The following MTMR1 variants were observed in gnomAD, a reference collection of about 807,000 sequenced individuals.
MTMR1 encodes the protein phosphatidylinositol-3-phosphate phosphatase MTMR1.
Under a neutral mutation model 51.6 loss-of-function variants are expected in MTMR1, and 17 were observed. The ratio of observed to expected loss-of-function variants is 0.33; its 90% CI spans 0.23 to 0.49. MTMR1 has a LOEUF of 0.49. MTMR1 is among the 20% of genes least tolerant of loss of function. The probability of loss-of-function intolerance (pLI) is 0.99; values close to 1 mark genes in which losing one functional copy is unlikely to be tolerated. For synonymous variants in MTMR1, 201 were observed against 205.6 expected (o/e 0.98, Z 0.19); for missense variants, 386 against 526.9 (o/e 0.73, Z 2.62).
At chrX:150,750,557 G>C (rs934452707) in intron 13 of MTMR1, among the ~76,000 whole-genome samples, 173 bp from the exon 14 acceptor site, 2 of 112,188 alleles carry the variant, frequency 1.8e-5, no homozygotes, top group Non-Finnish European at 3.8e-5. Context: ...TTCTCAGCCA[G>C]ATCTATAAGT....
At position 150,733,440 on chromosome X, in the gene MTMR1, T is replaced by A. The variant is rs1414583064; in HGVS notation, c.1080+710T>A. Among the ~76,000 whole-genome samples, 13 of 111,238 alleles carry A rather than the reference T, an allele frequency of 1.2e-4. No homozygotes were observed. In the Admixed American group the frequency reaches 1.3e-3, roughly 11 times the overall value. On this transcript the variant is annotated intron_variant, in intron 10 of 15. Coordinates refer to ENST00000445323, the MANE Select transcript of MTMR1 (RefSeq NM_001306144.3). ...CTTGAGCTTGACACTGCAGTTTCTCTCCTGTCCTGATCCCTCCTAAGGTTG... is the reference window on the plus strand; with the variant it reads ...CTTGAGCTTGACACTGCAGTTTCTCACCTGTCCTGATCCCTCCTAAGGTTG...
At chrX:150,742,292 C>T (rs1329787642) in intron 12 of MTMR1, among the ~76,000 whole-genome samples, 1 of 111,523 alleles carries the variant, frequency 9.0e-6, no homozygotes, top group East Asian at 2.8e-4. Flanking sequence ...TACTGAATAC[C>T]GTAGGCAACT....
At chrX:150,742,550 C>T (rs1403654161) in intron 12 of MTMR1, among the ~76,000 whole-genome samples, 1 of 111,319 alleles carries the variant, frequency 9.0e-6, no homozygotes, top group East Asian at 2.8e-4. Context: ...GGCGCGGTGG[C>T]TCACGCCTGT....
intron 15 of MTMR1, among the ~76,000 whole-genome samples, chrX:150,760,732 T>A (rs2148684418): frequency 9.0e-6 from 1 of 111,372 alleles, no homozygotes; most frequent in Non-Finnish European, 1.9e-5. Context: ...GAGACTAGCC[T>A]GGCCAACATA....
chrX:150,763,049 C>T lies in MTMR1; in HGVS notation c.*320C>T. On this transcript the variant is annotated 3_prime_UTR_variant, in exon 16 of 16. Transcript: ENST00000445323. ...CTTTCCAACTTAAATCCTTCAGTAACAACAAACACCACTCACTTCAAGATG... is the reference window on the plus strand; with the variant it reads ...CTTTCCAACTTAAATCCTTCAGTAATAACAAACACCACTCACTTCAAGATG... 5.4e-6 allele frequency: 1 copy of T among 186,615 alleles called. No individual in the cohort carries two copies. Among genetic ancestry groups the T allele is most frequent in the Non-Finnish European group, 1.0e-5 (1 of 99,885 alleles). 15.4% of individuals were successfully genotyped at this position (186,615 alleles called of 1,213,427 possible).
chrX:150,709,265 C>T (rs1603237478), intron 2 of MTMR1, among the ~76,000 whole-genome samples: 1 of 112,167 alleles, frequency 8.9e-6, no homozygotes, highest in South Asian at 3.7e-4. Flanking sequence ...AGGAGAGGGA[C>T]ATGGTGAACC....
At chrX:150,706,732 C>G (rs2041119151) in intron 2 of MTMR1, among the ~76,000 whole-genome samples, 1 of 111,859 alleles carries the variant, frequency 8.9e-6, no homozygotes, top group African/African-American at 3.3e-5. Flanking sequence ...ATCAAAATCC[C>G]AGAAAGATTT....
At chrX:150,715,555 G>T (rs1226826174) in intron 3 of MTMR1, among the ~76,000 whole-genome samples, 1 of 112,419 alleles carries the variant, frequency 8.9e-6, no homozygotes, top group African/African-American at 3.2e-5. Context: ...CCTTGTAGTT[G>T]CAGTAAAAGC....
At chrX:150,745,391 A>C (rs2042548453) in intron 13 of MTMR1, among the ~76,000 whole-genome samples, 1 of 111,657 alleles carries the variant, frequency 9.0e-6, no homozygotes, top group Non-Finnish European at 1.9e-5. Flanking sequence ...CAGCCAGGAC[A>C]CTGCCGGTGA....
chrX:150,695,711 T>C (rs2040647230), intron 1 of MTMR1, among the ~76,000 whole-genome samples: 1 of 112,006 alleles, frequency 8.9e-6, no homozygotes, highest in Non-Finnish European at 1.9e-5. Context: ...AAAGATATAG[T>C]TGATCTATCT....
intron 10 of MTMR1, chrX:150,735,706 G>A (rs1033473832): frequency 3.9e-5 from 13 of 329,417 alleles, no homozygotes; most frequent in African/African-American, 5.4e-5. Context: ...GGTGTACAAC[G>A]TGGTATTTTG....
intron 1 of MTMR1, among the ~76,000 whole-genome samples, chrX:150,698,621 G>A (rs1487014061): frequency 1.9e-5 from 2 of 107,846 alleles, no homozygotes; most frequent in Non-Finnish European, 3.8e-5. Flanking sequence ...TGGGTCACTC[G>A]AGCCCAGGAA....
intron 12 of MTMR1, among the ~76,000 whole-genome samples, chrX:150,743,274 A>G (rs1557417368): frequency 9.0e-6 from 1 of 110,517 alleles, no homozygotes; most frequent in Non-Finnish European, 1.9e-5. Context: ...GATGGCTCAC[A>G]CCTATAGTCC....
chrX:150,739,794 C>T (rs534780567), intron 12 of MTMR1, among the ~76,000 whole-genome samples: 184 of 112,415 alleles, frequency 1.6e-3, no homozygotes, highest in African/African-American at 5.6e-3. Flanking sequence ...CCTGATAGTA[C>T]TCTCATTCAC....
chrX:150,742,710 G>C (rs924921198), intron 12 of MTMR1, among the ~76,000 whole-genome samples: 6 of 107,608 alleles, frequency 5.6e-5, no homozygotes, highest in African/African-American at 2.0e-4. Context: ...CCAGCTACTC[G>C]GGAGGCTGAG....
intron 15 of MTMR1, 31 bp from the exon 16 acceptor site, chrX:150,762,534 G>A: frequency 8.3e-7 from 1 of 1,210,704 alleles, no homozygotes; most frequent in Non-Finnish European, 1.1e-6. Context: ...AGGATGGCCT[G>A]ATAATGCAGC....
intron 15 of MTMR1, among the ~76,000 whole-genome samples, chrX:150,759,272 T>G (rs1173305011): frequency 8.9e-6 from 1 of 112,668 alleles, no homozygotes; most frequent in African/African-American, 3.2e-5. Flanking sequence ...TGCTGAGTTA[T>G]TCTGTCCTGG....
At chrX:150,721,854 A>T (rs2041761718) in intron 4 of MTMR1, among the ~76,000 whole-genome samples, 1 of 110,870 alleles carries the variant, frequency 9.0e-6, no homozygotes, top group Non-Finnish European at 1.9e-5. Flanking sequence ...GTGGTCATTT[A>T]TTTGAGATTT....
At chrX:150,752,533 G>T (rs2042774908) in intron 14 of MTMR1, among the ~76,000 whole-genome samples, 1 of 110,116 alleles carries the variant, frequency 9.1e-6, no homozygotes. Flanking sequence ...TTTGTGTTAC[G>T]TGAATTATAT....
Sources: gnomAD v4.1 joint callset for allele counts (sites outside exome capture counted in the v4.1 genomes callset) on GRCh38, gnomAD v4.1.1 for gene constraint, MANE v1.5 for transcripts, NCBI Gene and HGNC (gene_info 2026-07-23, HGNC 2026-07-21) for gene names.